Variants in JUP observed in about 807,000 individuals in gnomAD.
JUP encodes junction plakoglobin.
A neutral mutation model predicts 71.1 loss-of-function variants in JUP; 28 were observed. The ratio of observed to expected loss-of-function variants is 0.39; its 90% CI spans 0.29 to 0.54. The LOEUF (loss-of-function observed/expected upper bound fraction) is 0.54, where lower values mean the gene tolerates loss of function less well. JUP is among the 20% of genes least tolerant of loss of function. The pLI, the probability that JUP is intolerant of heterozygous loss-of-function variation, is 0.62. For missense variants in JUP, 869 were observed against 1,030.1 expected (o/e 0.84, Z 2.14); for synonymous variants, 401 against 438.9 (o/e 0.91, Z 1.08).
chr17:41,773,039 G>C (rs1003320916), intron 1 of JUP: 3 of 968,492 alleles, frequency 3.1e-6, no homozygotes, highest in Non-Finnish European at 3.7e-6. Flanking sequence ...GGTCCCCCGC[G>C]TACAGATGCA....
chr17:41,767,064 AT>A (rs1301253635), intron 5 of JUP, among the ~76,000 whole-genome samples: 1 of 151,254 alleles, frequency 6.6e-6, no homozygotes, highest in Non-Finnish European at 1.5e-5. Context: ...AAAAAAAAAA[AT>A]CAGGCAGAAA....
chr17:41,771,711 G>A lies in JUP; in HGVS notation c.144C>T (p.Ala48=). ...SSKGIMEEDE[A]CGRQYTLKKT... is the part of the protein sequence containing the mutation. ...TCTTGAGCGTGTACTGGCGCCCGCAGGCCTCATCCTCCTCCATGATGCCCT... is the reference window on the plus strand; with the variant it reads ...TCTTGAGCGTGTACTGGCGCCCGCAAGCCTCATCCTCCTCCATGATGCCCT... The change falls in exon 2 of 14, where the codon GCC becomes GCT. Residue 48 remains alanine (A), a synonymous_variant. Transcript: ENST00000393931. 6.2e-7 allele frequency: 1 copy of A among 1,614,176 alleles called. No individual in the cohort carries two copies.
intron 12 of JUP, among the ~76,000 whole-genome samples, chr17:41,756,689 G>A (rs1434351924): frequency 6.6e-6 from 1 of 152,070 alleles, no homozygotes; most frequent in African/African-American, 2.4e-5. Flanking sequence ...ACAAGGTCAG[G>A]AGACAATCGA....
At position 41,760,400 on chromosome 17, in the gene JUP, C is replaced by T. The variant is rs375376154; in HGVS notation, c.1498-1530G>A. ...CCTCCTGAGTAGCTGGGACCACAGG[C>T]GCCCGCCACCACGCCTGGCTAATTT... is the stretch of plus-strand genomic sequence containing the variant. On this transcript the variant is annotated intron_variant, in intron 8 of 13. Transcript: ENST00000393931. Among the ~76,000 whole-genome samples the T allele has an allele frequency of 3.9e-4, 59 of 151,298 alleles. No homozygotes were observed. The South Asian group carries it at 0.012, about 30-fold the overall frequency.
In JUP at chr17:41,764,751, A is replaced by C. The variant is rs372251382; in HGVS notation, c.1120T>G (p.Trp374Gly). 1 of 1,613,298 alleles carries C rather than the reference A, an allele frequency of 6.2e-7. No homozygotes were observed. Among genetic ancestry groups the C allele is most frequent in the African/African-American group, 1.3e-5 (1 of 74,844 alleles). ...ACATCTGAGAGGTTGCGCAGGGTCC[A>C]CAGGCAGTTCTGCACCAGGCGGGGG... is the stretch of plus-strand genomic sequence containing the variant. Reference protein sequence around the residue: ...NSPRLVQNCLWTLRNLSDVAT... With the variant: ...NSPRLVQNCLGTLRNLSDVAT... The change falls in exon 7 of 14, where the codon TGG (tryptophan) becomes GGG (glycine). Residue 374 changes from tryptophan to glycine, a missense_variant. Physicochemically the swap from Trp to Gly is radical, Grantham distance 184. Coordinates refer to ENST00000393931, the MANE Select transcript of JUP (RefSeq NM_002230.4).
intron 2 of JUP, 146 bp from the exon 3 acceptor site, chr17:41,769,823 C>T (rs1219162616): frequency 1.2e-6 from 1 of 865,034 alleles, no homozygotes; most frequent in African/African-American, 1.7e-5. Context: ...GGCCATTCTA[C>T]CTCTCACCAG....
chr17:41,778,682 C>T (rs1208185334), intron 1 of JUP, among the ~76,000 whole-genome samples: 5 of 151,896 alleles, frequency 3.3e-5, no homozygotes, highest in African/African-American at 1.2e-4. Context: ...GAGGCCGAGG[C>T]GGGCGGATCA....
At chr17:41,765,094 A>G (rs1555603488) in intron 5 of JUP, 27 bp from the exon 6 acceptor site, 5 of 1,610,704 alleles carry the variant, frequency 3.1e-6, no homozygotes, top group Non-Finnish European at 4.2e-6. Flanking sequence ...AATGAGTGTG[A>G]GATGGACGGG....
intron 1 of JUP, among the ~76,000 whole-genome samples, chr17:41,774,170 G>T (rs887655113): frequency 1.4e-5 from 2 of 144,446 alleles, no homozygotes; most frequent in Non-Finnish European, 3.0e-5. Flanking sequence ...CAGGTCAACC[G>T]CCAGGAGACT....
Position 41,771,647 on chromosome 17 carries a change from C to T in JUP, c.208G>A (p.Gly70Ser). ...TGCAATAGTCCCCAGGGGTCCTGAC[C>T]TTGGCTGGGGGGCACCCCCTGGGTG... is the stretch of plus-strand genomic sequence containing the variant. The part of the protein sequence containing the change: ...TYTQGVPPSQ[G>S]DLEYQMSTTA... The change falls in exon 2 of 14, where the codon GGT becomes AGT. Residue 70 changes from glycine (G) to serine (S), a missense_variant and splice_region_variant. Coordinates refer to ENST00000393931, the MANE Select transcript of JUP (RefSeq NM_002230.4). 6.2e-7 allele frequency: 1 copy of T among 1,612,958 alleles called. No individual in the cohort carries two copies. Among genetic ancestry groups the T allele is most frequent in the Non-Finnish European group, 8.5e-7 (1 of 1,179,950 alleles).
At chr17:41,785,052 GAAGAAACCTTCCCCCAAA>G (rs1185616687) in intron 1 of JUP, 1 of 152,030 alleles carries the variant, frequency 6.6e-6, no homozygotes, top group Non-Finnish European at 1.5e-5. Context: ...GTCTAGCATT[GAAGAAACCTTCCCCCAAA>G]AAGCCTTCCT....
rs2143374346 is a variant in JUP at position 41,755,852 on chromosome 17, G to T, written c.2130C>A (p.Pro710=). The T allele has an allele frequency of 1.9e-6, 3 of 1,613,274 alleles. No individual in the cohort carries two copies. The highest frequency in any genetic ancestry group is 2.5e-6 in the Non-Finnish European group (3 of 1,179,722). ...CCATGTGCATCTCCAGCGGGTCAAG[G>T]GGCACATCGCTGGAGTACATGGGGC... ...TYRPMYSSDV[P]LDPLEMHMDM... is the part of the protein sequence containing the mutation. The change falls in exon 14 of 14, where the codon CCC becomes CCA. Residue 710 remains proline, a synonymous_variant. Transcript: ENST00000393931.
chr17:41,785,066 C>T (rs1211956733), intron 1 of JUP: 1 of 152,028 alleles, frequency 6.6e-6, no homozygotes, highest in African/African-American at 2.4e-5. Context: ...AAACCTTCCC[C>T]CAAAAAGCCT....
At chr17:41,768,771 C>T (rs1338907942) in intron 4 of JUP, among the ~76,000 whole-genome samples, 198 bp downstream of exon 4, 1 of 152,190 alleles carries the variant, frequency 6.6e-6, no homozygotes, top group Non-Finnish European at 1.5e-5. Flanking sequence ...TAGCCTGTGT[C>T]GTATCCTGAT....
chr17:41,782,524 C>T (rs1423801906), intron 1 of JUP, among the ~76,000 whole-genome samples: 1 of 152,178 alleles, frequency 6.6e-6, no homozygotes, highest in Non-Finnish European at 1.5e-5. Flanking sequence ...CCCAGAACAG[C>T]CATGGTTCTA....
chr17:41,771,611 T>A (rs1370933209), intron 2 of JUP, 36 bp downstream of exon 2: 3 of 1,598,388 alleles, frequency 1.9e-6, no homozygotes, highest in Non-Finnish European at 2.6e-6. Context: ...CCAGGCAGGT[T>A]TTCTGCCCCA....
intron 5 of JUP, among the ~76,000 whole-genome samples, chr17:41,766,307 G>GAAAGGA (rs149489390): frequency 4.7e-5 from 7 of 147,988 alleles, no homozygotes; most frequent in East Asian, 2.2e-4. Flanking sequence ...GGAAGAGAGG[G>GAAAGGA]AAAGGAAAAG....
rs782378989 is a variant in JUP, at chr17:41,764,853, G to T, written c.1055-37C>A. ...ATAGGGGTGCCATCAGCCACGGGGA[G>T]CATGGCTGACTGAGCCTGGCAGCTG... is the stretch of plus-strand genomic sequence containing the variant. On this transcript the variant is annotated intron_variant, in intron 6 of 13. Coordinates refer to ENST00000393931, the MANE Select transcript of JUP (RefSeq NM_002230.4). 19 of 1,611,304 alleles carry T rather than the reference G, an allele frequency of 1.2e-5. No homozygotes were observed. The South Asian group carries it at 1.6e-4, about 14-fold the overall frequency.
intron 5 of JUP, among the ~76,000 whole-genome samples, chr17:41,765,923 C>T (rs1915642052): frequency 6.6e-6 from 1 of 152,028 alleles, no homozygotes; most frequent in Non-Finnish European, 1.5e-5. Context: ...ATCTAAATAC[C>T]CTCCCTCAGA....
Sources: allele counts gnomAD v4.1 joint callset (sites outside exome capture counted in the v4.1 genomes callset), GRCh38; gene constraint gnomAD v4.1.1; transcripts MANE v1.5; gene names NCBI Gene and HGNC (gene_info 2026-07-23, HGNC 2026-07-21).